Variants in GRK2 observed in about 807,000 individuals in gnomAD.
GRK2 encodes adrenergic beta receptor kinase 1.
GRK2 carries 23 observed loss-of-function variants against 97.8 expected under a neutral mutation model. The observed-to-expected ratio is 0.24, with a 90% CI of 0.17 to 0.33. The LOEUF (loss-of-function observed/expected upper bound fraction) is 0.33, where lower values mean the gene tolerates loss of function less well. GRK2 is among the 10% of genes least tolerant of loss of function. The pLI is 1.00. For missense variants in GRK2, 633 were observed against 956.9 expected, an observed-to-expected ratio of 0.66 and a Z score of 4.47; for synonymous variants, 425 against 381.7, an observed-to-expected ratio of 1.11 and a Z score of -1.32.
Position 67,279,674 on chromosome 11 carries a change from A to G in GRK2, c.415A>G (p.Lys139Glu). 6.2e-7 allele frequency: 1 copy of G among 1,613,608 alleles called. No individual in the cohort carries two copies. Among genetic ancestry groups the G allele is most frequent in the Non-Finnish European group, 8.5e-7 (1 of 1,179,994 alleles). Residue 139 changes from lysine (K) to glutamate (E), a missense_variant, in exon 5 of 21, where the codon AAG (lysine) becomes GAG (glutamate). Lys to Glu is a moderately conservative substitution (Grantham distance 56). Around this residue, in one of 4 missense-constraint regions of GRK2, gnomAD observed 193 missense variants for 212.2 expected, o/e 0.91. Coordinates refer to ENST00000308595, the MANE Select transcript of GRK2 (RefSeq NM_001619.5). ...GCATGTCCAAGGCCACCTGGGGAAG[A>G]AGCAGGTGCCTCCGGATCTCTTCCA... ...TEHVQGHLGKKQVPPDLFQPY... is the reference protein window; with the variant it reads ...TEHVQGHLGKEQVPPDLFQPY...
At chr11:67,275,531 G>A (rs1333802098) in intron 1 of GRK2, among the ~76,000 whole-genome samples, 1 of 151,934 alleles carries the variant, frequency 6.6e-6, no homozygotes, top group Non-Finnish European at 1.5e-5. Flanking sequence ...CCTCCGCGTG[G>A]CGCCTCCAGT....
chr11:67,277,400 C>A (rs1444534730), intron 2 of GRK2, 52 bp downstream of exon 2: 1 of 1,511,114 alleles, frequency 6.6e-7, no homozygotes, highest in Non-Finnish European at 9.2e-7. Flanking sequence ...CTTGCCCCTA[C>A]CCCAGCCAGC....
At chr11:67,283,023 C>A in intron 14 of GRK2, 105 bp from the exon 15 acceptor site, 3 of 1,250,982 alleles carry the variant, frequency 2.4e-6, no homozygotes, top group Non-Finnish European at 3.5e-6. Flanking sequence ...GGATGCTGTG[C>A]CCCATCTGTC....
chr11:67,284,335 G>A lies in GRK2; in HGVS notation c.1616G>A (p.Arg539His). 6.2e-7 allele frequency: 1 copy of A among 1,612,958 alleles called. No individual in the cohort carries two copies. Among genetic ancestry groups the A allele is most frequent in the Non-Finnish European group, 8.5e-7 (1 of 1,179,972 alleles). The change falls in exon 18 of 21, where the codon CGC becomes CAC. Residue 539 changes from arginine (R) to histidine (H), a missense_variant. Around this residue, in one of 4 missense-constraint regions of GRK2, gnomAD observed 180 missense variants for 311.3 expected, o/e 0.58. Coordinates refer to ENST00000308595, the MANE Select transcript of GRK2 (RefSeq NM_001619.5). Reference sequence around the variant, plus strand: ...GCTGAGACAGACCGGCTGGAGGCTCGCAAGAAAGCCAAGAACAAGCAGCTG... The same window carrying A: ...GCTGAGACAGACCGGCTGGAGGCTCACAAGAAAGCCAAGAACAAGCAGCTG... ...INAETDRLEARKKAKNKQLGH... is the reference protein window; with the variant it reads ...INAETDRLEAHKKAKNKQLGH...
Position 67,279,325 on chromosome 11 carries a change from T to C in GRK2, c.264+52T>C, listed in dbSNP as rs1307750623. The C allele has an allele frequency of 1.9e-6, 3 of 1,610,208 alleles. No individual in the cohort carries two copies. In the East Asian group the frequency reaches 6.7e-5, roughly 36 times the overall value. On this transcript the variant is annotated intron_variant, in intron 3 of 20. Coordinates refer to ENST00000308595, the MANE Select transcript of GRK2 (RefSeq NM_001619.5). ...TCTGCCTGGAGAAAGGGGAGGAGGT[T>C]GGGGCGGCTTTGTGGAACCCACAAG...
chr11:67,281,746 C>T lies in GRK2; in HGVS notation c.826+18C>T, dbSNP rs753729641. The T allele has an allele frequency of 2.5e-6, 4 of 1,613,114 alleles. No individual in the cohort carries two copies. Among genetic ancestry groups the T allele is most frequent in the African/African-American group, 2.7e-5 (2 of 74,786 alleles). On this transcript the variant is annotated intron_variant, in intron 10 of 20. Transcript: ENST00000308595. This position sits in a 1 kb window ranked among gnomAD's most constrained non-coding sequence, Gnocchi z 5.7. Reference sequence around the variant, plus strand: ...CATGAACGGTGAGTGCTGGCCGGGCCCTAGGGTGGGCCGGGCCCAGGCACG... The same window carrying T: ...CATGAACGGTGAGTGCTGGCCGGGCTCTAGGGTGGGCCGGGCCCAGGCACG...
Position 67,286,466 on chromosome 11 carries a change from C to T in GRK2, c.*1016C>T, listed in dbSNP as rs985282136. 1 of 700,804 alleles carries T rather than the reference C, an allele frequency of 1.4e-6. No homozygotes were observed. The highest frequency in any genetic ancestry group is 2.7e-5 in the East Asian group (1 of 37,176). 43.4% of individuals were successfully genotyped at this position (700,804 alleles called of 1,614,324 possible). A position where few individuals can be genotyped will look rare whatever the true frequency, so the allele number is the denominator to read the frequency against. ...GGCGCACCCTCCCCTCCCGTCTACT[C>T]ATTCCCCGGGGCGTTTCTTTGCCGA... On this transcript the variant is annotated 3_prime_UTR_variant, in exon 21 of 21. Coordinates refer to ENST00000308595, the MANE Select transcript of GRK2 (RefSeq NM_001619.5).
intron 1 of GRK2, among the ~76,000 whole-genome samples, chr11:67,271,554 G>A (rs953746835): frequency 6.6e-6 from 1 of 152,238 alleles, no homozygotes; most frequent in African/African-American, 2.4e-5. Flanking sequence ...CTCCATGTCA[G>A]CAGTAAATTG....
At position 67,269,878 on chromosome 11, in the gene GRK2, A is replaced by G. The variant is rs61758511; in HGVS notation, c.113+3066A>G. On this transcript the variant is annotated intron_variant, in intron 1 of 20. Coordinates refer to ENST00000308595, the MANE Select transcript of GRK2 (RefSeq NM_001619.5). The surrounding 1 kb of genome is among the most constrained non-coding windows in gnomAD (Gnocchi z 4.1). Reference sequence around the variant, plus strand: ...GGCTAGGGAATGGGAGTGGTTAGGCACAGTGCCACACTGAGTTGGCACAGG... The same window carrying G: ...GGCTAGGGAATGGGAGTGGTTAGGCGCAGTGCCACACTGAGTTGGCACAGG... Among the ~76,000 whole-genome samples, 1 of 152,234 alleles carries G rather than the reference A, an allele frequency of 6.6e-6. No homozygotes were observed. Among genetic ancestry groups the G allele is most frequent in the Non-Finnish European group, 1.5e-5 (1 of 68,026 alleles).
At chr11:67,271,966 G>A (rs898939562) in intron 1 of GRK2, among the ~76,000 whole-genome samples, 10 of 152,220 alleles carry the variant, frequency 6.6e-5, no homozygotes, top group African/African-American at 2.4e-4. Flanking sequence ...GTGAATGCTC[G>A]CTCATCTCCC....
chr11:67,280,487 G>C (rs1053887237), intron 6 of GRK2: 1 of 585,384 alleles, frequency 1.7e-6, no homozygotes, highest in Admixed American at 3.0e-5. Flanking sequence ...GTGCGGATCT[G>C]ATTCCAGCAG....
intron 1 of GRK2, among the ~76,000 whole-genome samples, chr11:67,274,107 G>A (rs1488204257): frequency 6.6e-6 from 1 of 151,674 alleles, no homozygotes; most frequent in East Asian, 1.9e-4. Flanking sequence ...CTGTCTCCAG[G>A]GTTCAAGCGA....
chr11:67,269,401 C>T lies in GRK2; in HGVS notation c.113+2589C>T, dbSNP rs1214656600. On this transcript the variant is annotated intron_variant, in intron 1 of 20. Transcript: ENST00000308595. This position sits in a 1 kb window ranked among gnomAD's most constrained non-coding sequence, Gnocchi z 4.1. ...ACAGAAGAAAGCTGGAATGGGGCCT[C>T]GGGTTTCTGGACCACACAGGCCAGT... is the stretch of plus-strand genomic sequence containing the variant. Among the ~76,000 whole-genome samples the T allele has an allele frequency of 1.3e-5, 2 of 152,158 alleles. No individual in the cohort carries two copies. Among genetic ancestry groups the T allele is most frequent in the Admixed American group, 6.5e-5 (1 of 15,282 alleles).
Position 67,281,023 on chromosome 11 carries a change from G to T in GRK2, c.556-70G>T, listed in dbSNP as rs1860136873. The T allele has an allele frequency of 1.4e-6, 2 of 1,400,882 alleles. No individual in the cohort carries two copies. Among genetic ancestry groups the T allele is most frequent in the Non-Finnish European group, 2.0e-6 (2 of 1,013,570 alleles). The allele number at this position is 1,400,882 out of a possible 1,614,324, so 86.8% of individuals were successfully genotyped here. A position where few individuals can be genotyped will look rare whatever the true frequency, so the allele number is the denominator to read the frequency against. On this transcript the variant is annotated intron_variant, in intron 7 of 20. Coordinates refer to ENST00000308595, the MANE Select transcript of GRK2 (RefSeq NM_001619.5). The surrounding 1 kb of genome is among the most constrained non-coding windows in gnomAD (Gnocchi z 5.7). ...CCCTGGCATGGGGCCAGCCCCTGCT[G>T]CCCAGGTGCCTCTGCCCCAGGGCTG...
chr11:67,285,349 C>G lies in GRK2; in HGVS notation c.1969C>G (p.Leu657Val). Residue 657 changes from leucine (L) to valine (V), a missense_variant, in exon 21 of 21, where the codon CTG (leucine) becomes GTG (valine). By Grantham distance (32) the Leu-to-Val change is conservative (BLOSUM62 1). Coordinates refer to ENST00000308595, the MANE Select transcript of GRK2 (RefSeq NM_001619.5). ...CGACGCCTACCGCGAGGCCCAGCAG[C>G]TGGTGCAGCGGGTGCCCAAGATGAA... Reference protein sequence around the residue: ...LRDAYREAQQLVQRVPKMKNK... With the variant: ...LRDAYREAQQVVQRVPKMKNK... The G allele has an allele frequency of 6.2e-7, 1 of 1,610,318 alleles. No homozygotes were observed. Among genetic ancestry groups the G allele is most frequent in the Non-Finnish European group, 8.5e-7 (1 of 1,179,422 alleles).
chr11:67,274,848 C>T (rs1485047370), intron 1 of GRK2, among the ~76,000 whole-genome samples: 3 of 152,172 alleles, frequency 2.0e-5, no homozygotes, highest in Non-Finnish European at 4.4e-5. Flanking sequence ...GCGTGTGGCC[C>T]GAAGGGGCGG....
intron 6 of GRK2, chr11:67,280,483 A>G (rs1289309628): frequency 1.7e-6 from 1 of 581,808 alleles, no homozygotes; most frequent in East Asian, 2.9e-5. Flanking sequence ...TTCTGTGCGG[A>G]TCTGATTCCA....
chr11:67,279,158 TGAGA>T, intron 2 of GRK2, 38 bp from the exon 3 acceptor site: 1 of 1,556,452 alleles, frequency 6.4e-7, no homozygotes, highest in Non-Finnish European at 8.9e-7. Flanking sequence ...GGAAGGCCTC[TGAGA>T]GAGGCGTGGC....
At chr11:67,283,973 T>G in intron 17 of GRK2, 24 bp downstream of exon 17, 2 of 1,573,820 alleles carry the variant, frequency 1.3e-6, no homozygotes, top group Non-Finnish European at 1.7e-6. Context: ...CCTGGCCTCT[T>G]GTACCTAGGC....
Sources: allele counts gnomAD v4.1 joint callset (sites outside exome capture counted in the v4.1 genomes callset), GRCh38; gene constraint gnomAD v4.1.1; regional missense constraint gnomAD v4.1.1; non-coding constraint Gnocchi (gnomAD v3.1); transcripts MANE v1.5; gene names NCBI Gene and HGNC (gene_info 2026-07-23, HGNC 2026-07-21).